The following VGLL3 variants were observed in gnomAD, a reference collection of about 807,000 sequenced individuals.
VGLL3 encodes the protein vestigial like family member 3.
Under a neutral mutation model 29.2 loss-of-function variants are expected in VGLL3, and 18 were observed. The ratio of observed to expected loss-of-function variants is 0.62; its 90% confidence interval spans 0.43 to 0.91. The LOEUF (loss-of-function observed/expected upper bound fraction) is 0.91, where lower values mean the gene tolerates loss of function less well. VGLL3 is among the 40% of genes least tolerant of loss of function. The pLI, the probability that VGLL3 is intolerant of heterozygous loss-of-function variation, is 0.00. For missense variants in VGLL3, 440 were observed against 413.2 expected (o/e 1.06, Z -0.56); for synonymous variants, 180 against 151.8 (o/e 1.19, Z -1.36).
chr3:86,985,270 T>A (rs993366822), intron 1 of VGLL3, among the ~76,000 whole-genome samples: 36 of 152,158 alleles, frequency 2.4e-4, no homozygotes, highest in Admixed American at 1.6e-3. Flanking sequence ...CAGACATGGG[T>A]CATCTAGCCC....
At chr3:86,961,558 A>T (rs1291140903) in intron 3 of VGLL3, among the ~76,000 whole-genome samples, 1 of 152,126 alleles carries the variant, frequency 6.6e-6, no homozygotes, top group African/African-American at 2.4e-5. Context: ...TTCACACGTG[A>T]ATGCCTGGTA....
Position 86,946,262 on chromosome 3 carries a change from T to C in VGLL3, c.*762A>G, listed in dbSNP as rs1266481019. 1.3e-5 allele frequency: 2 copies of C among 152,146 alleles called. No individual in the cohort carries two copies. Among genetic ancestry groups the C allele is most frequent in the South Asian group, 2.1e-4 (1 of 4,832 alleles). The allele number at this position is 152,146 out of a possible 1,614,324, so 9.4% of individuals were successfully genotyped here. ...TGGGAGAAATCAAAGCAATAAAATATCATTTCTTTAGCACAGTCATTAAAA... is the reference window on the plus strand; with the variant it reads ...TGGGAGAAATCAAAGCAATAAAATACCATTTCTTTAGCACAGTCATTAAAA... On this transcript the variant is annotated 3_prime_UTR_variant, in exon 4 of 4. Coordinates refer to ENST00000398399, the MANE Select transcript of VGLL3 (RefSeq NM_016206.4).
intron 3 of VGLL3, among the ~76,000 whole-genome samples, chr3:86,948,706 T>A (rs1249206972): frequency 2.6e-5 from 4 of 152,156 alleles, no homozygotes; most frequent in Non-Finnish European, 4.4e-5. Context: ...TGGCTCCACC[T>A]TTTTCTTTTT....
Position 86,948,238 on chromosome 3 carries a change from A to C in VGLL3, c.938-1171T>G, listed in dbSNP as rs141481661. Among the ~76,000 whole-genome samples, 182 of 152,266 alleles carry C rather than the reference A, an allele frequency of 1.2e-3. 1 individual carries two copies. Among genetic ancestry groups the C allele is most frequent in the South Asian group, 4.1e-3 (20 of 4,826 alleles). On this transcript the variant is annotated intron_variant, in intron 3 of 3. Transcript: ENST00000398399. ...TAAACATGTGTGTAGAAATGCAGCA[A>C]AGTTGCTGTTGTGTGGGTGCAAGGA...
chr3:86,973,821 G>A (rs77973538), intron 2 of VGLL3, among the ~76,000 whole-genome samples: 68 of 152,268 alleles, frequency 4.5e-4, no homozygotes, highest in African/African-American at 1.6e-3. Flanking sequence ...GTACATCAAT[G>A]AGCCAACAGA....
intron 1 of VGLL3, among the ~76,000 whole-genome samples, chr3:86,989,013 T>A (rs1475377494): frequency 6.6e-6 from 1 of 152,208 alleles, no homozygotes; most frequent in Non-Finnish European, 1.5e-5. Context: ...ACTGGAGTCA[T>A]TTCTTATTGA....
intron 3 of VGLL3, among the ~76,000 whole-genome samples, chr3:86,958,000 T>C (rs1240019688): frequency 6.6e-6 from 1 of 152,202 alleles, no homozygotes; most frequent in African/African-American, 2.4e-5. Flanking sequence ...GAATGATATG[T>C]ACGTGCACAT....
At chr3:86,968,545 ATTAACT>A (rs771644232) in intron 3 of VGLL3, 39 bp downstream of exon 3, 6 of 1,540,078 alleles carry the variant, frequency 3.9e-6, no homozygotes, top group Non-Finnish European at 5.2e-6. Context: ...CCTTTCTTAA[ATTAACT>A]TTATCTTGTT....
At chr3:86,971,435 A>G (rs2107027005) in intron 2 of VGLL3, among the ~76,000 whole-genome samples, 1 of 152,234 alleles carries the variant, frequency 6.6e-6, no homozygotes, top group Admixed American at 6.5e-5. Context: ...CTCTCACAAC[A>G]TCTCCATCGA....
intron 2 of VGLL3, among the ~76,000 whole-genome samples, chr3:86,976,068 C>T (rs1205359696): frequency 3.3e-5 from 5 of 151,980 alleles, no homozygotes; most frequent in Admixed American, 6.5e-5. Context: ...GAGCCGAGAT[C>T]GCACCACTGC....
rs1704520827 is a variant in VGLL3 at position 86,946,961 on chromosome 3, A to G, written c.*63T>C. 3.9e-6 allele frequency: 3 copies of G among 771,680 alleles called. No homozygotes were observed. The highest frequency in any genetic ancestry group is 1.7e-5 in the African/African-American group (1 of 58,806). 47.8% of individuals were successfully genotyped at this position (771,680 alleles called of 1,614,324 possible). A position where few individuals can be genotyped will look rare whatever the true frequency, so the allele number is the denominator to read the frequency against. On this transcript the variant is annotated 3_prime_UTR_variant, in exon 4 of 4. Transcript: ENST00000398399. ...CTATTGCTGAATGGAAAAACCCGAC[A>G]GTATCTTTTCCCAGTGGGCCCTTGG...
rs1704402172 is a variant in VGLL3, at chr3:86,941,733, G to A, written c.*5291C>T. Reference sequence around the variant, plus strand: ...GTTGAGATACTTTAACAATAATGACGATTTCTGTAGGTTGTAAAAGTGTAC... The same window carrying A: ...GTTGAGATACTTTAACAATAATGACAATTTCTGTAGGTTGTAAAAGTGTAC... On this transcript the variant is annotated 3_prime_UTR_variant, in exon 4 of 4. Transcript: ENST00000398399. The A allele has an allele frequency of 6.6e-6, 1 of 151,778 alleles. No homozygotes were observed. Among genetic ancestry groups the A allele is most frequent in the South Asian group, 2.1e-4 (1 of 4,816 alleles). 9.4% of individuals were successfully genotyped at this position (151,778 alleles called of 1,614,324 possible).
intron 1 of VGLL3, among the ~76,000 whole-genome samples, chr3:86,984,019 C>T (rs951887929): frequency 6.6e-5 from 10 of 152,114 alleles, no homozygotes; most frequent in African/African-American, 2.4e-4. Context: ...TTTATTTTAA[C>T]TGAATAAACA....
intron 3 of VGLL3, among the ~76,000 whole-genome samples, chr3:86,960,683 T>A (rs545422222): frequency 2.0e-5 from 3 of 152,058 alleles, no homozygotes; most frequent in Non-Finnish European, 4.4e-5. Context: ...CAGTCTTGAT[T>A]TCACTTGTAT....
intron 2 of VGLL3, among the ~76,000 whole-genome samples, 197 bp downstream of exon 2, chr3:86,978,329 G>A (rs2107048072): frequency 6.6e-6 from 1 of 152,300 alleles, no homozygotes; most frequent in East Asian, 1.9e-4. Context: ...GGGTGTGACT[G>A]CATCCTTTCC....
intron 3 of VGLL3, among the ~76,000 whole-genome samples, chr3:86,950,303 T>C (rs781666736): frequency 2.0e-5 from 3 of 152,236 alleles, no homozygotes; most frequent in Non-Finnish European, 4.4e-5. Context: ...TTAATGATTA[T>C]ATTAAGCACA....
At chr3:86,950,118 T>C (rs1395174935) in intron 3 of VGLL3, among the ~76,000 whole-genome samples, 3 of 152,164 alleles carry the variant, frequency 2.0e-5, no homozygotes, top group Non-Finnish European at 4.4e-5. Context: ...CAAACCTACT[T>C]GAAATTAATT....
At chr3:86,947,862 G>A (rs919502398) in intron 3 of VGLL3, among the ~76,000 whole-genome samples, 1 of 151,990 alleles carries the variant, frequency 6.6e-6, no homozygotes, top group African/African-American at 2.4e-5. Context: ...ACTTTTATCT[G>A]TGTCTAATAC....
At chr3:86,985,304 A>T (rs1705416412) in intron 1 of VGLL3, among the ~76,000 whole-genome samples, 1 of 152,200 alleles carries the variant, frequency 6.6e-6, no homozygotes, top group Admixed American at 6.5e-5. Flanking sequence ...TAGTTATGGC[A>T]CTTCGTTTAT....
Sources: allele counts gnomAD v4.1 joint callset (sites outside exome capture counted in the v4.1 genomes callset), GRCh38; gene constraint gnomAD v4.1.1; transcripts MANE v1.5; gene names NCBI Gene and HGNC (gene_info 2026-07-23, HGNC 2026-07-21).